SACS: variants seen among roughly 807,000 people sequenced by gnomAD.
SACS encodes the protein sacsin.
In SACS, 197 loss-of-function variants were observed where a neutral mutation model predicts 348.0. That is an observed-to-expected ratio of 0.57 (90% CI 0.50 to 0.64). The LOEUF (loss-of-function observed/expected upper bound fraction) is 0.64, where lower values mean the gene tolerates loss of function less well. Among genes scored for constraint, SACS ranks in the 30% least tolerant of loss-of-function variants. SACS has a pLI of 0.00. For synonymous variants in SACS, 1,985 were observed against 1,910.6 expected, an observed-to-expected ratio of 1.04 and a Z score of -1.02; for missense variants, 4,999 against 5,360.8, an observed-to-expected ratio of 0.93 and a Z score of 2.11.
chr13:23,337,845 T>C lies in SACS; in HGVS notation c.6031A>G (p.Ile2011Val). The C allele has an allele frequency of 6.2e-7, 1 of 1,613,906 alleles. No homozygotes were observed. Among genetic ancestry groups the C allele is most frequent in the Non-Finnish European group, 8.5e-7 (1 of 1,179,950 alleles). Residue 2011 changes from isoleucine (I) to valine (V), a missense_variant, in exon 10 of 10, where the codon ATA becomes GTA. Physicochemically the swap from Ile to Val is conservative, Grantham distance 29 (BLOSUM62 3). Around this residue, in one of 6 missense-constraint regions of SACS, gnomAD observed 3,156 missense variants for 3,380.1 expected, o/e 0.93. Transcript: ENST00000382292. ...RRDVGSAAFK[I>V]FLKYLKKTGS... ...GTCTTCTTGAGGTATTTCAAAAATA[T>C]CTTGAAGGCTGCTGAACCAACATCT...
rs768278852 is a variant in SACS, at chr13:23,333,938, G to A, written c.9938C>T (p.Pro3313Leu). 6.2e-7 allele frequency: 1 copy of A among 1,613,780 alleles called. No individual in the cohort carries two copies. Among genetic ancestry groups the A allele is most frequent in the East Asian group, 2.2e-5 (1 of 44,872 alleles). The change falls in exon 10 of 10, where the codon CCA becomes CTA. Residue 3313 changes from proline (P) to leucine (L), a missense_variant. Physicochemically the swap from Pro to Leu is moderately conservative, Grantham distance 98. Coordinates refer to ENST00000382292, the MANE Select transcript of SACS (RefSeq NM_014363.6). ...AAAAACTTTATCACTCTGGGCATTT[G>A]GAAAAACTGCAATGTGCATAAGGCT... ...PLSLMHIAVF[P>L]NAQSDKVFHA...
intron 5 of SACS, among the ~76,000 whole-genome samples, chr13:23,367,523 A>G (rs1385251821): frequency 1.3e-5 from 2 of 152,208 alleles, no homozygotes; most frequent in Non-Finnish European, 2.9e-5. Flanking sequence ...TAAACACAAA[A>G]TCTAATTTTT....
chr13:23,429,518 A>C (rs544460481), intron 1 of SACS, among the ~76,000 whole-genome samples: 12 of 151,764 alleles, frequency 7.9e-5, no homozygotes, highest in Non-Finnish European at 1.8e-4. Context: ...GCCCGCCACC[A>C]TGCCCGGCTA....
intron 9 of SACS, among the ~76,000 whole-genome samples, chr13:23,342,597 T>C (rs9552931): frequency 0.23 from 34,699 of 152,182 alleles, 4,641 homozygotes; most frequent in South Asian, 0.35. Flanking sequence ...TTGAGTGTCA[T>C]GTAGATACTT....
chr13:23,366,349 C>T (rs946846690), intron 5 of SACS, among the ~76,000 whole-genome samples: 1 of 152,206 alleles, frequency 6.6e-6, no homozygotes. Context: ...GTGGTACCCA[C>T]CAGCTGTTCC....
At chr13:23,379,590 C>G (rs1871959861) in intron 2 of SACS, among the ~76,000 whole-genome samples, 1 of 152,198 alleles carries the variant, frequency 6.6e-6, no homozygotes, top group Non-Finnish European at 1.5e-5. Flanking sequence ...GTGCCCTACT[C>G]TTTTCTCCAC....
In SACS at chr13:23,334,311, T is replaced by C. The variant is rs752964673; in HGVS notation, c.9565A>G (p.Met3189Val). Residue 3189 changes from methionine (M) to valine (V), a missense_variant, in exon 10 of 10, where the codon ATG becomes GTG. Met to Val is a conservative substitution (Grantham distance 21). Coordinates refer to ENST00000382292, the MANE Select transcript of SACS (RefSeq NM_014363.6). ...CTATATTTCAAATATAATGTATTCA[T>C]AAACAAGTCTTTGCGGGATGGAATC... is the stretch of plus-strand genomic sequence containing the variant. ...ELIPSRKDLF[M>V]NTLYLKYSNI... 3 of 1,609,050 alleles carry C rather than the reference T, an allele frequency of 1.9e-6. No homozygotes were observed. Among genetic ancestry groups the C allele is most frequent in the Admixed American group, 1.7e-5 (1 of 59,710 alleles).
intron 6 of SACS, among the ~76,000 whole-genome samples, chr13:23,362,324 G>A (rs1309126720): frequency 6.6e-6 from 1 of 152,080 alleles, no homozygotes; most frequent in Non-Finnish European, 1.5e-5. Context: ...TCTCATTCTT[G>A]TGCATGTGAT....
At chr13:23,407,869 C>T (rs888511524) in intron 2 of SACS, among the ~76,000 whole-genome samples, 17 of 152,168 alleles carry the variant, frequency 1.1e-4, no homozygotes, top group African/African-American at 4.1e-4. Flanking sequence ...CATCGGATTC[C>T]TCAACCCCAC....
chr13:23,368,325 A>G lies in SACS; in HGVS notation c.345+77T>C, dbSNP rs550008009. ...ACAACATTTTAAAAATTTAAACACT[A>G]ATAGGACTTTCAAGTAAATTTACTT... On this transcript the variant is annotated intron_variant, in intron 5 of 9. Transcript: ENST00000382292. The G allele has an allele frequency of 1.4e-5, 15 of 1,070,224 alleles. No individual in the cohort carries two copies. The South Asian group carries it at 2.0e-4, about 15-fold the overall frequency. 66.3% of individuals were successfully genotyped at this position (1,070,224 alleles called of 1,614,324 possible). A position where few individuals can be genotyped will look rare whatever the true frequency, so the allele number is the denominator to read the frequency against.
intron 2 of SACS, among the ~76,000 whole-genome samples, chr13:23,403,938 C>T (rs1383954155): frequency 1.3e-5 from 2 of 152,132 alleles, no homozygotes; most frequent in Non-Finnish European, 2.9e-5. Flanking sequence ...GATTCTGGTA[C>T]ATTGTGTCTT....
At chr13:23,383,843 A>G (rs1200997399) in intron 2 of SACS, among the ~76,000 whole-genome samples, 1 of 152,186 alleles carries the variant, frequency 6.6e-6, no homozygotes, top group Non-Finnish European at 1.5e-5. Context: ...CTCTGGAGAC[A>G]TTCAAGAGCA....
At position 23,332,700 on chromosome 13, in the gene SACS, G is replaced by A; in HGVS notation, c.11176C>T (p.Pro3726Ser). The change falls in exon 10 of 10, where the codon CCA (proline) becomes TCA (serine). Residue 3726 changes from proline (P) to serine (S), a missense_variant. Physicochemically the swap from Pro to Ser is moderately conservative, Grantham distance 74. This residue lies in a region of SACS where 831 missense variants were observed against 941.8 expected (regional missense o/e 0.88). Transcript: ENST00000382292. ...IKEQEGSDLG[P>S]QEQLEQVLNM... ...AAAACTTGTTCAAGCTGTTCTTGTG[G>A]ACCAAGGTCACTACCTTCTTGTTCT... 5 of 1,613,942 alleles carry A rather than the reference G, an allele frequency of 3.1e-6. No individual in the cohort carries two copies. Among genetic ancestry groups the A allele is most frequent in the Non-Finnish European group, 4.2e-6 (5 of 1,179,930 alleles).
intron 1 of SACS, among the ~76,000 whole-genome samples, chr13:23,426,150 C>G (rs1874164837): frequency 6.6e-6 from 1 of 152,158 alleles, no homozygotes; most frequent in Non-Finnish European, 1.5e-5. Flanking sequence ...CGACTGAGTG[C>G]CTGACACAAG....
chr13:23,429,345 A>ATGTTTT (rs1874330980), intron 1 of SACS, among the ~76,000 whole-genome samples: 2 of 51,466 alleles, frequency 3.9e-5, no homozygotes, highest in South Asian at 1.1e-3. Context: ...TGAGGTAGGG[A>ATGTTTT]TTTTTTTTTT....
chr13:23,341,033 T>C lies in SACS; in HGVS notation c.2843A>G (p.Lys948Arg). 1 of 1,614,122 alleles carries C rather than the reference T, an allele frequency of 6.2e-7. No homozygotes were observed. Among genetic ancestry groups the C allele is most frequent in the Non-Finnish European group, 8.5e-7 (1 of 1,179,988 alleles). ...ISSYTKLKGC[K>R]VLHHTAKLPA... Reference sequence around the variant, plus strand: ...GAGTTTGGCAGTATGGTGTAAGACTTTACAACCTTTCAATTTTGTATAAGA... The same window carrying C: ...GAGTTTGGCAGTATGGTGTAAGACTCTACAACCTTTCAATTTTGTATAAGA... Residue 948 changes from lysine to arginine, a missense_variant, in exon 10 of 10, where the codon AAA (lysine) becomes AGA (arginine). Physicochemically the swap from Lys to Arg is conservative, Grantham distance 26 (BLOSUM62 2). Around this residue, in one of 6 missense-constraint regions of SACS, gnomAD observed 3,156 missense variants for 3,380.1 expected, o/e 0.93. Coordinates refer to ENST00000382292, the MANE Select transcript of SACS (RefSeq NM_014363.6).
intron 2 of SACS, among the ~76,000 whole-genome samples, chr13:23,394,810 G>A (rs556096269): frequency 7.9e-5 from 12 of 152,270 alleles, no homozygotes; most frequent in South Asian, 2.1e-4. Flanking sequence ...AATCGAGATC[G>A]CGCACCTGCA....
chr13:23,432,374 C>A (rs1301450079), intron 1 of SACS, among the ~76,000 whole-genome samples: 9 of 151,668 alleles, frequency 5.9e-5, no homozygotes, highest in African/African-American at 2.2e-4. Context: ...TCTTTAAGAT[C>A]CAAGGAGAAA....
At chr13:23,387,260 C>A (rs1872327060) in intron 2 of SACS, among the ~76,000 whole-genome samples, 1 of 151,910 alleles carries the variant, frequency 6.6e-6, no homozygotes, top group Non-Finnish European at 1.5e-5. Flanking sequence ...GAGATCAAGA[C>A]CATCCTGGCT....
Sources: gnomAD v4.1 joint callset for allele counts (sites outside exome capture counted in the v4.1 genomes callset) on GRCh38, gnomAD v4.1.1 for gene constraint, gnomAD v4.1.1 regional missense constraint, MANE v1.5 for transcripts, NCBI Gene and HGNC (gene_info 2026-07-23, HGNC 2026-07-21) for gene names.